NDEL1: variants seen among roughly 807,000 people sequenced by gnomAD.
The protein encoded by NDEL1 is nudE neurodevelopment protein 1 like 1, also known as nuclear distribution protein nudE-like 1.
In NDEL1, 9 loss-of-function variants were observed where a neutral mutation model predicts 45.7. That is an observed-to-expected ratio of 0.20 (90% CI 0.12 to 0.34). The LOEUF (loss-of-function observed/expected upper bound fraction) is 0.34, where lower values mean the gene tolerates loss of function less well. Ranked by LOEUF, NDEL1 falls within the 10% of genes least tolerant of loss-of-function variation. The pLI is 1.00. For synonymous variants in NDEL1, 133 were observed against 158.6 expected, an observed-to-expected ratio of 0.84 and a Z score of 1.21; for missense variants, 306 against 406.2, an observed-to-expected ratio of 0.75 and a Z score of 2.12.
At chr17:8,434,681 C>T (rs76175217), upstream of NDEL1, among the ~76,000 whole-genome samples, 41 of 152,246 alleles carry the variant, frequency 2.7e-4, no homozygotes, top group East Asian at 7.3e-3. Flanking sequence ...GGGCTAGTAT[C>T]GTCTCCAGCT....
intron 8 of NDEL1, 141 bp downstream of exon 8, chr17:8,460,301 ATGACG>A: frequency 1.1e-6 from 1 of 912,300 alleles, no homozygotes; most frequent in Middle Eastern, 2.5e-4. Flanking sequence ...CTTAGGTGAC[ATGACG>A]TCTGTTGTTG....
At chr17:8,444,023 C>T (rs185383547) in intron 1 of NDEL1, 1 of 338,996 alleles carries the variant, frequency 2.9e-6, no homozygotes, top group Admixed American at 4.8e-5. Flanking sequence ...CCAAAAGTGC[C>T]TCCTGTCGCT....
chr17:8,459,276 TGTGA>T (rs1911046546), intron 7 of NDEL1, among the ~76,000 whole-genome samples: 2 of 151,912 alleles, frequency 1.3e-5, no homozygotes, highest in South Asian at 2.1e-4. Flanking sequence ...GCTGGTGAAG[TGTGA>T]GTGTGTGGAA....
intron 6 of NDEL1, among the ~76,000 whole-genome samples, chr17:8,453,462 C>T (rs1910646264): frequency 6.6e-6 from 1 of 152,196 alleles, no homozygotes; most frequent in African/African-American, 2.4e-5. Context: ...TTTGCCCCCT[C>T]TTACATATGG....
chr17:8,467,111 G>C lies in NDEL1; in HGVS notation c.*88G>C, dbSNP rs769955785. On this transcript the variant is annotated 3_prime_UTR_variant, in exon 9 of 9. Coordinates refer to ENST00000334527, the MANE Select transcript of NDEL1 (RefSeq NM_030808.5). The surrounding 1 kb of genome is among the most constrained non-coding windows in gnomAD (Gnocchi z 6.3). ...CCCCTCGGTGCCTGGGCCCAGCCCC[G>C]TGCCCCTCCGTCTGCCTCCGCACGG... The C allele has an allele frequency of 7.5e-7, 1 of 1,333,772 alleles. No homozygotes were observed. The highest frequency in any genetic ancestry group is 1.4e-5 in the African/African-American group (1 of 69,202). The allele number at this position is 1,333,772 out of a possible 1,614,324, so 82.6% of individuals were successfully genotyped here.
intron 1 of NDEL1, among the ~76,000 whole-genome samples, chr17:8,424,801 CAG>C (rs35105892): frequency 0.23 from 34,870 of 152,048 alleles, 4,152 homozygotes; most frequent in East Asian, 0.34. Flanking sequence ...ACCGCGCCCA[CAG>C]CCCTTTGTTT....
At position 8,415,809 on chromosome 17, in the gene NDEL1, G is replaced by A. The variant is rs573342547; in HGVS notation, c.-13+2540G>A. On this transcript the variant is annotated intron_variant, in intron 1 of 4. Transcript: ENST00000582812. The stretch of plus-strand genomic sequence containing the variant: ...GTTGCCCAGGCTGGAGTGTGATGGC[G>A]CGATCTCAGTTCACTGCAACCTCTG... Among the ~76,000 whole-genome samples, 9 of 152,132 alleles carry A rather than the reference G, an allele frequency of 5.9e-5. No individual in the cohort carries two copies. The South Asian group carries it at 6.2e-4, about 11-fold the overall frequency.
intron 7 of NDEL1, among the ~76,000 whole-genome samples, chr17:8,455,395 A>G (rs1428116838): frequency 6.6e-6 from 1 of 152,150 alleles, no homozygotes; most frequent in East Asian, 1.9e-4. Context: ...CGCTTCTGAA[A>G]TATTAAACCC....
chr17:8,454,832 C>A lies in NDEL1; in HGVS notation c.737C>A (p.Pro246His). Residue 246 changes from proline (P) to histidine (H), a missense_variant, in exon 7 of 9, where the codon CCC becomes CAC. By Grantham distance (77) the Pro-to-His change is moderately conservative. This residue lies in a region of NDEL1 where 175 missense variants were observed against 205.2 expected (regional missense o/e 0.85). Coordinates refer to ENST00000334527, the MANE Select transcript of NDEL1 (RefSeq NM_030808.5). ...GGTTTTGGTACCAGTCCACTAACTC[C>A]CTCTGCTAGGATATCAGCACTAAAC... ...PNGFGTSPLT[P>H]SARISALNIV... is the part of the protein sequence containing the mutation. The A allele has an allele frequency of 6.2e-7, 1 of 1,613,952 alleles. No homozygotes were observed. The highest frequency in any genetic ancestry group is 1.1e-5 in the South Asian group (1 of 91,046).
At chr17:8,444,461 G>C (rs1909953149) in intron 2 of NDEL1, 104 bp downstream of exon 2, 1 of 739,240 alleles carries the variant, frequency 1.4e-6, no homozygotes, top group Non-Finnish European at 2.3e-6. Context: ...TAGAATTGCA[G>C]ATTTAGGATT....
At chr17:8,459,440 T>A (rs1911056967) in intron 7 of NDEL1, among the ~76,000 whole-genome samples, 1 of 152,168 alleles carries the variant, frequency 6.6e-6, no homozygotes, top group Admixed American at 6.5e-5. Context: ...AATTATTTAA[T>A]TACAGACAAA....
chr17:8,429,849 T>C (rs1908957695), intron 1 of NDEL1, among the ~76,000 whole-genome samples: 1 of 152,086 alleles, frequency 6.6e-6, no homozygotes, highest in Non-Finnish European at 1.5e-5. Flanking sequence ...ATTCTTATGG[T>C]TATGTGTGGA....
chr17:8,426,671 C>T (rs1227003446), intron 1 of NDEL1, among the ~76,000 whole-genome samples: 1 of 152,122 alleles, frequency 6.6e-6, no homozygotes, highest in Non-Finnish European at 1.5e-5. Flanking sequence ...CGTGAGGTTC[C>T]AGATCAGCAG....
chr17:8,445,485 C>T (rs533048748), intron 2 of NDEL1, among the ~76,000 whole-genome samples: 250 of 23,262 alleles, frequency 0.011, no homozygotes, highest in African/African-American at 0.011. Context: ...CGTAGCCTTA[C>T]TTTTCATAAA....
intron 1 of NDEL1, among the ~76,000 whole-genome samples, chr17:8,441,874 A>T (rs959002972): frequency 1.3e-4 from 20 of 152,006 alleles, no homozygotes; most frequent in African/African-American, 4.8e-4. Context: ...TTGTCTCAGG[A>T]AGTGTGTAGG....
At chr17:8,470,926 C>T (rs1405618008), downstream of NDEL1, among the ~76,000 whole-genome samples, 1 of 152,196 alleles carries the variant, frequency 6.6e-6, no homozygotes, top group African/African-American at 2.4e-5. The surrounding 1 kb of genome is among the most constrained non-coding windows in gnomAD (Gnocchi z 4.2). Flanking sequence ...TAGTGCGCAT[C>T]TCCTGAGAGC....
chr17:8,434,207 A>G (rs1307593070), upstream of NDEL1, among the ~76,000 whole-genome samples: 1 of 152,128 alleles, frequency 6.6e-6, no homozygotes, highest in Non-Finnish European at 1.5e-5. Flanking sequence ...GATTGCCTGA[A>G]GTCAGGAGTT....
At chr17:8,472,461 C>T (rs1167684092), downstream of NDEL1, among the ~76,000 whole-genome samples, 1 of 152,124 alleles carries the variant, frequency 6.6e-6, no homozygotes, top group Non-Finnish European at 1.5e-5. Context: ...GAGTTCAAAA[C>T]CAACCTGTCC....
chr17:8,458,356 C>T (rs1194284854), intron 7 of NDEL1, among the ~76,000 whole-genome samples: 1 of 151,978 alleles, frequency 6.6e-6, no homozygotes, highest in African/African-American at 2.4e-5. Flanking sequence ...TTTCATCCAC[C>T]CCTGGGTGTG....
Sources: allele counts gnomAD v4.1 joint callset (sites outside exome capture counted in the v4.1 genomes callset), GRCh38; gene constraint gnomAD v4.1.1; regional missense constraint gnomAD v4.1.1; non-coding constraint Gnocchi (gnomAD v3.1); transcripts MANE v1.5; gene names NCBI Gene and HGNC (gene_info 2026-07-23, HGNC 2026-07-21).